FOCAD: variants seen among roughly 807,000 people sequenced by gnomAD.
The protein encoded by FOCAD is focadhesin, also known as KIAA1797.
In FOCAD, 198 loss-of-function variants were observed where a neutral mutation model predicts 225.6. The observed-to-expected ratio is 0.88, with a 90% CI of 0.78 to 0.99. The LOEUF (loss-of-function observed/expected upper bound fraction) is 0.99, where lower values mean the gene tolerates loss of function less well. FOCAD is among the 50% of genes least tolerant of loss of function. The pLI, the probability that FOCAD is intolerant of heterozygous loss-of-function variation, is 0.00. For missense variants in FOCAD, 2,713 were observed against 2,123.6 expected, an observed-to-expected ratio of 1.28 and a Z score of -5.46; for synonymous variants, 897 against 755.0, an observed-to-expected ratio of 1.19 and a Z score of -3.08.
intron 35 of FOCAD, among the ~76,000 whole-genome samples, chr9:20,973,162 T>C: frequency 6.6e-6 from 1 of 151,938 alleles, no homozygotes; most frequent in East Asian, 1.9e-4. Flanking sequence ...CCTGTGCTTC[T>C]CCTTTCTGCA....
chr9:20,717,299 C>G (rs1013305844), intron 2 of FOCAD, among the ~76,000 whole-genome samples: 2 of 152,142 alleles, frequency 1.3e-5, no homozygotes, highest in African/African-American at 4.8e-5. Context: ...GCAGGATGGA[C>G]AGTTGTAGCA....
intron 18 of FOCAD, among the ~76,000 whole-genome samples, chr9:20,867,874 G>T (rs913480830): frequency 6.6e-6 from 1 of 152,028 alleles, no homozygotes; most frequent in South Asian, 2.1e-4. Context: ...TTTTCTTCTG[G>T]ATTGCGTTTA....
chr9:20,930,229 G>T (rs1472168538), intron 27 of FOCAD, among the ~76,000 whole-genome samples: 1 of 152,178 alleles, frequency 6.6e-6, no homozygotes, highest in African/African-American at 2.4e-5. Flanking sequence ...AATAGACTCA[G>T]GTGGAAAATT....
intron 19 of FOCAD, among the ~76,000 whole-genome samples, chr9:20,878,029 A>G (rs1830372228): frequency 6.6e-6 from 1 of 152,206 alleles, no homozygotes; most frequent in African/African-American, 2.4e-5. Context: ...TGACATCTCT[A>G]CTTATTGTGG....
At chr9:20,802,673 G>A (rs535805386) in intron 11 of FOCAD, among the ~76,000 whole-genome samples, 1 of 152,218 alleles carries the variant, frequency 6.6e-6, no homozygotes, top group South Asian at 2.1e-4. Context: ...AAACACTGTA[G>A]AGTCCAGGGA....
chr9:20,896,908 C>T (rs1442841795), intron 21 of FOCAD: 5 of 151,720 alleles, frequency 3.3e-5, no homozygotes, highest in Admixed American at 1.3e-4. Context: ...CAGTTATATC[C>T]AGTTGATTGA....
At chr9:20,667,414 C>G (rs1198629781) in intron 2 of FOCAD, among the ~76,000 whole-genome samples, 1 of 152,076 alleles carries the variant, frequency 6.6e-6, no homozygotes, top group Admixed American at 6.6e-5. Flanking sequence ...AGGAAGAGGA[C>G]AAGTTTGTGC....
chr9:20,681,993 C>CA (rs1822413060), upstream of FOCAD, among the ~76,000 whole-genome samples: 1 of 152,166 alleles, frequency 6.6e-6, no homozygotes, highest in African/African-American at 2.4e-5. Context: ...AACTCCAATG[C>CA]AACAGGATTA....
chr9:20,959,002 G>T (rs1371934321), intron 35 of FOCAD, among the ~76,000 whole-genome samples: 1 of 152,000 alleles, frequency 6.6e-6, no homozygotes, highest in Non-Finnish European at 1.5e-5. Context: ...ATAAACATGG[G>T]GTACAGATGT....
rs1563952692 is a variant in FOCAD at position 20,758,123 on chromosome 9, A to T, written c.426A>T (p.Glu142Asp). The change falls in exon 6 of 44, where the codon GAA becomes GAT. Residue 142 changes from glutamate to aspartate, a missense_variant. By Grantham distance (45) the Glu-to-Asp change is conservative. Coordinates refer to ENST00000338382, the MANE Select transcript of FOCAD (RefSeq NM_001375567.1). ...NHPHPLITVL[E>D]HRPDCWPVFL... is the part of the protein sequence containing the mutation. ...CTCATCCTTTGATAACTGTGCTTGAACACAGACCTGATTGCTGGCCAGTGT... is the reference window on the plus strand; with the variant it reads ...CTCATCCTTTGATAACTGTGCTTGATCACAGACCTGATTGCTGGCCAGTGT... 6.2e-7 allele frequency: 1 copy of T among 1,612,348 alleles called. No homozygotes were observed. Among genetic ancestry groups the T allele is most frequent in the Non-Finnish European group, 8.5e-7 (1 of 1,179,248 alleles).
intron 27 of FOCAD, among the ~76,000 whole-genome samples, chr9:20,931,609 A>G (rs1249152210): frequency 1.3e-5 from 2 of 152,226 alleles, no homozygotes; most frequent in Non-Finnish European, 2.9e-5. Flanking sequence ...TGGTCCTTTA[A>G]TGGGAACAGA....
chr9:20,813,682 C>T (rs1453564121), intron 11 of FOCAD, among the ~76,000 whole-genome samples: 2 of 152,060 alleles, frequency 1.3e-5, no homozygotes, highest in East Asian at 3.9e-4. Context: ...TCGGTGTGCA[C>T]CTGAGAGAGA....
intron 21 of FOCAD, among the ~76,000 whole-genome samples, chr9:20,890,861 AT>A (rs71334561): frequency 0.81 from 123,513 of 151,698 alleles, 50,490 homozygotes; most frequent in Admixed American, 0.88. Context: ...ACATGAGGCT[AT>A]TTTTTTTTAA....
chr9:20,741,520 T>C (rs1827611446), intron 5 of FOCAD, among the ~76,000 whole-genome samples: 1 of 152,126 alleles, frequency 6.6e-6, no homozygotes, highest in Non-Finnish European at 1.5e-5. Context: ...TTTCTTAACA[T>C]ATTTTGTGAA....
intron 37 of FOCAD, among the ~76,000 whole-genome samples, chr9:20,981,217 C>T (rs907928197): frequency 6.6e-6 from 1 of 152,244 alleles, no homozygotes; most frequent in South Asian, 2.1e-4. Flanking sequence ...ACATGATTCA[C>T]CCTGGATCAG....
At chr9:20,986,538 G>A in intron 40 of FOCAD, 73 bp downstream of exon 40, 1 of 1,352,138 alleles carries the variant, frequency 7.4e-7, no homozygotes, top group Non-Finnish European at 9.8e-7. Flanking sequence ...TTGCACTTGA[G>A]TTCTCAACTT....
At chr9:20,853,148 CTG>C (rs1213285870) in intron 15 of FOCAD, among the ~76,000 whole-genome samples, 2 of 151,748 alleles carry the variant, frequency 1.3e-5, no homozygotes, top group African/African-American at 4.8e-5. Context: ...TCTAGCAAAA[CTG>C]AAAAGTGAAT....
intron 1 of FOCAD, among the ~76,000 whole-genome samples, chr9:20,692,798 G>A (rs1176195384): frequency 6.6e-6 from 1 of 152,196 alleles, no homozygotes; most frequent in South Asian, 2.1e-4. Context: ...TTTCCCTGCT[G>A]TTGGTGAGAG....
chr9:20,947,223 C>G (rs960443442), intron 30 of FOCAD, among the ~76,000 whole-genome samples: 3 of 152,116 alleles, frequency 2.0e-5, no homozygotes, highest in African/African-American at 4.8e-5. Context: ...CAGAAAATCT[C>G]TACTCATGAC....
Sources: gnomAD v4.1 joint callset for allele counts (sites outside exome capture counted in the v4.1 genomes callset) on GRCh38, gnomAD v4.1.1 for gene constraint, MANE v1.5 for transcripts, NCBI Gene and HGNC (gene_info 2026-07-23, HGNC 2026-07-21) for gene names.